HYDIN: variants seen among roughly 807,000 people sequenced by gnomAD.
HYDIN encodes the protein axonemal central pair apparatus protein HYDIN.
In HYDIN, 132 loss-of-function variants were observed where a neutral mutation model predicts 403.9. The observed-to-expected ratio is 0.33, with a 90% CI of 0.28 to 0.38. The LOEUF (loss-of-function observed/expected upper bound fraction) is 0.38. Ranked by LOEUF, HYDIN falls within the 10% of genes least tolerant of loss-of-function variation. HYDIN has a pLI of 1.00. For synonymous variants in HYDIN, 1,202 were observed against 1,891.7 expected (o/e 0.64, Z 9.46); for missense variants, 2,827 against 5,009.5 (o/e 0.56, Z 13.15).
chr16:71,094,354 C>T (rs563036561), intron 10 of HYDIN, among the ~76,000 whole-genome samples: 2 of 152,252 alleles, frequency 1.3e-5, no homozygotes, highest in East Asian at 3.9e-4. Flanking sequence ...ACAACAGTCA[C>T]ATGGGTATAA....
At chr16:70,840,956 A>G (rs1187923579) in intron 75 of HYDIN, among the ~76,000 whole-genome samples, 18 of 152,224 alleles carry the variant, frequency 1.2e-4, no homozygotes, top group Admixed American at 1.2e-3. Flanking sequence ...GAATTTTCAC[A>G]AATTGATAAT....
chr16:71,027,073 A>C, intron 20 of HYDIN: 10 of 903,460 alleles, frequency 1.1e-5, no homozygotes, highest in Non-Finnish European at 1.3e-5. Context: ...CGTAGAGTGT[A>C]TGGAGATCAT....
intron 45 of HYDIN, among the ~76,000 whole-genome samples, chr16:70,931,588 A>C (rs577500660): frequency 2.6e-4 from 40 of 151,898 alleles, no homozygotes; most frequent in African/African-American, 9.7e-4. Context: ...CAGGATCCCT[A>C]GGTGATTTGC....
intron 9 of HYDIN, among the ~76,000 whole-genome samples, chr16:71,120,168 A>G (rs1348116159): frequency 6.6e-6 from 1 of 151,286 alleles, no homozygotes; most frequent in Non-Finnish European, 1.5e-5. Flanking sequence ...ATAGGATTGA[A>G]TCTGTAAGTG....
At chr16:71,222,948 T>C (rs556443240) in intron 1 of HYDIN, among the ~76,000 whole-genome samples, 173 of 152,254 alleles carry the variant, frequency 1.1e-3, no homozygotes, top group Middle Eastern at 3.4e-3. Context: ...ACCAACATCA[T>C]TCTTCACAGA....
intron 4 of HYDIN, among the ~76,000 whole-genome samples, chr16:71,176,699 C>T (rs1334665678): frequency 1.3e-5 from 2 of 152,212 alleles, no homozygotes; most frequent in Non-Finnish European, 2.9e-5. Context: ...CCCAACAGCT[C>T]CATTCTTTTA....
At chr16:70,818,277 A>T in intron 84 of HYDIN, 65 bp downstream of exon 84, 1 of 944,352 alleles carries the variant, frequency 1.1e-6, no homozygotes, top group Non-Finnish European at 1.7e-6. Flanking sequence ...GTGGATCCAG[A>T]GATCTCATGG....
chr16:71,065,103 T>C (rs142941196), intron 15 of HYDIN, among the ~76,000 whole-genome samples: 308 of 152,366 alleles, frequency 2.0e-3, no homozygotes, highest in African/African-American at 6.7e-3. Context: ...CATTGTTTTA[T>C]ATATTTGGCC....
chr16:70,998,750 T>TG (rs2079609076), intron 23 of HYDIN, among the ~76,000 whole-genome samples: 1 of 149,060 alleles, frequency 6.7e-6, no homozygotes, highest in Non-Finnish European at 1.5e-5. Flanking sequence ...ATATTAAAAG[T>TG]GGGCATATTT....
chr16:70,837,701 T>G lies in HYDIN; in HGVS notation c.13231A>C (p.Thr4411Pro), dbSNP rs1302898029. 3 of 1,613,894 alleles carry G rather than the reference T, an allele frequency of 1.9e-6. No homozygotes were observed. The highest frequency in any genetic ancestry group is 1.7e-4 in the Middle Eastern group (1 of 6,054). ...CGACTGTCTGTTACCTTCATTTTGG[T>G]ACCCTTCCCTTTGATTTCGACTGTT... ...QQTVEIKGKGTKMKILVLDPA... is the reference protein window; with the variant it reads ...QQTVEIKGKGPKMKILVLDPA... The change falls in exon 77 of 86, where the codon ACC (threonine) becomes CCC (proline). Residue 4411 changes from threonine to proline, a missense_variant. Physicochemically the swap from Thr to Pro is conservative, Grantham distance 38 (BLOSUM62 -1). Transcript: ENST00000393567.
chr16:71,039,308 T>C (rs1196704550), intron 18 of HYDIN, among the ~76,000 whole-genome samples: 3 of 152,214 alleles, frequency 2.0e-5, no homozygotes, highest in African/African-American at 7.2e-5. Context: ...TCATTACTAA[T>C]GTTATTTTCC....
intron 4 of HYDIN, among the ~76,000 whole-genome samples, chr16:71,177,636 A>G (rs2086724087): frequency 6.6e-6 from 1 of 152,224 alleles, no homozygotes; most frequent in African/African-American, 2.4e-5. Context: ...GGATTCTTGC[A>G]TAGTCTTTAC....
Position 70,871,104 on chromosome 16 carries a change from C to G in HYDIN, c.11091+933G>C, listed in dbSNP as rs545797102. ...CAGAGGATTAACCATGGTCTTAGAA[C>G]TATTTTTGGCATATAGTAAGCACTC... On this transcript the variant is annotated intron_variant, in intron 65 of 85. Coordinates refer to ENST00000393567, the MANE Select transcript of HYDIN (RefSeq NM_001270974.2). 1.2e-3 allele frequency among the ~76,000 whole-genome samples: 180 copies of G among 151,918 alleles called. 1 individual carries two copies. Among genetic ancestry groups the G allele is most frequent in the African/African-American group, 4.2e-3 (172 of 41,432 alleles).
chr16:71,181,835 T>G (rs2086916351), intron 3 of HYDIN, among the ~76,000 whole-genome samples: 1 of 152,172 alleles, frequency 6.6e-6, no homozygotes, highest in African/African-American at 2.4e-5. Context: ...GTTGACATTC[T>G]TGAAGCTCAA....
At chr16:71,220,554 T>C (rs1250176827) in intron 1 of HYDIN, among the ~76,000 whole-genome samples, 1 of 152,250 alleles carries the variant, frequency 6.6e-6, no homozygotes, top group African/African-American at 2.4e-5. Context: ...CATGTATATA[T>C]TCTTCAGCTG....
chr16:71,219,686 A>T (rs1279246336), intron 1 of HYDIN, among the ~76,000 whole-genome samples: 1 of 152,230 alleles, frequency 6.6e-6, no homozygotes, highest in Non-Finnish European at 1.5e-5. Context: ...ATAAATTAAA[A>T]GATTGCACAG....
At chr16:71,034,144 C>T (rs2081009673) in intron 18 of HYDIN, among the ~76,000 whole-genome samples, 1 of 151,998 alleles carries the variant, frequency 6.6e-6, no homozygotes, top group Non-Finnish European at 1.5e-5. Flanking sequence ...CAGTAGAAAA[C>T]AATGGATTTG....
At chr16:70,880,724 T>G (rs2040744817) in intron 60 of HYDIN, among the ~76,000 whole-genome samples, 1 of 152,188 alleles carries the variant, frequency 6.6e-6, no homozygotes, top group Admixed American at 6.5e-5. Flanking sequence ...GTTTTGGGAC[T>G]GTAGGGAGCC....
chr16:71,178,431 AAAAATAT>A (rs1434566952), intron 4 of HYDIN, among the ~76,000 whole-genome samples: 5 of 127,848 alleles, frequency 3.9e-5, no homozygotes, highest in Admixed American at 7.7e-5. Flanking sequence ...AAAAAAAAAA[AAAAATAT>A]ATATATATAT....
Sources: allele counts gnomAD v4.1 joint callset (sites outside exome capture counted in the v4.1 genomes callset), GRCh38; gene constraint gnomAD v4.1.1; transcripts MANE v1.5; gene names NCBI Gene and HGNC (gene_info 2026-07-23, HGNC 2026-07-21).